Variants in SORCS2 observed in about 807,000 individuals in gnomAD.
The protein encoded by SORCS2 is sortilin related VPS10 domain containing receptor 2.
SORCS2 carries 100 observed loss-of-function variants against 141.6 expected under a neutral mutation model. That is an observed-to-expected ratio of 0.71 (90% CI 0.60 to 0.83). The LOEUF is 0.83. Among genes scored for constraint, SORCS2 ranks in the 40% least tolerant of loss-of-function variants. The probability of loss-of-function intolerance (pLI) is 0.00; values close to 1 mark genes in which losing one functional copy is unlikely to be tolerated. For synonymous variants in SORCS2, 789 were observed against 676.9 expected, an observed-to-expected ratio of 1.17 and a Z score of -2.57; for missense variants, 1,646 against 1,560.2, an observed-to-expected ratio of 1.05 and a Z score of -0.93.
At chr4:7,465,187 C>G (rs964642701) in intron 2 of SORCS2, among the ~76,000 whole-genome samples, 2 of 152,218 alleles carry the variant, frequency 1.3e-5, no homozygotes, top group African/African-American at 4.8e-5. Context: ...GACCAGGCAG[C>G]CCCGAGCAGG....
chr4:7,658,193 G>A (rs2108908604), intron 5 of SORCS2, among the ~76,000 whole-genome samples: 1 of 152,182 alleles, frequency 6.6e-6, no homozygotes, highest in African/African-American at 2.4e-5. Flanking sequence ...TTGACTGAGT[G>A]GTTAAATGAA....
intron 1 of SORCS2, among the ~76,000 whole-genome samples, chr4:7,243,319 G>C (rs570285179): frequency 6.6e-6 from 1 of 152,290 alleles, no homozygotes; most frequent in African/African-American, 2.4e-5. Context: ...CTCCCTGCTA[G>C]GCTAAGCTGA....
intron 3 of SORCS2, among the ~76,000 whole-genome samples, chr4:7,592,289 A>G (rs1271222342): frequency 6.6e-6 from 1 of 152,104 alleles, no homozygotes; most frequent in African/African-American, 2.4e-5. Context: ...GGATCTGGGC[A>G]CGCTGGTATT....
chr4:7,649,414 G>A (rs1259147378), intron 4 of SORCS2, among the ~76,000 whole-genome samples: 2 of 152,098 alleles, frequency 1.3e-5, no homozygotes, highest in East Asian at 3.9e-4. Context: ...ACCTCTCCTG[G>A]AAGGTCTGCG....
At chr4:7,712,068 T>C (rs928971182) in intron 14 of SORCS2, among the ~76,000 whole-genome samples, 4 of 152,166 alleles carry the variant, frequency 2.6e-5, no homozygotes, top group Non-Finnish European at 5.9e-5. Flanking sequence ...AACACAGGCC[T>C]GTACCATACA....
At chr4:7,288,138 T>A (rs1716351098) in intron 1 of SORCS2, among the ~76,000 whole-genome samples, 1 of 152,176 alleles carries the variant, frequency 6.6e-6, no homozygotes, top group African/African-American at 2.4e-5. Flanking sequence ...GCTCGGCTGC[T>A]TAATGAAGGA....
At chr4:7,521,615 A>G (rs752155812) in intron 2 of SORCS2, among the ~76,000 whole-genome samples, 2 of 152,194 alleles carry the variant, frequency 1.3e-5, no homozygotes, top group Non-Finnish European at 2.9e-5. Flanking sequence ...CTCACAGCAC[A>G]GACCTAGCCT....
intron 2 of SORCS2, among the ~76,000 whole-genome samples, chr4:7,455,034 AG>A (rs1728789545): frequency 8.8e-5 from 3 of 33,910 alleles, no homozygotes; most frequent in East Asian, 5.1e-3. Flanking sequence ...TGTTGGGGTC[AG>A]GTGCTGTGTG....
chr4:7,323,458 A>T (rs1719033821), intron 1 of SORCS2, among the ~76,000 whole-genome samples: 1 of 152,166 alleles, frequency 6.6e-6, no homozygotes, highest in Non-Finnish European at 1.5e-5. Context: ...ACCAAGAGGT[A>T]GACCTTGATC....
At chr4:7,235,917 G>A (rs756669075) in intron 1 of SORCS2, among the ~76,000 whole-genome samples, 6 of 152,210 alleles carry the variant, frequency 3.9e-5, no homozygotes, top group Admixed American at 6.5e-5. Context: ...GAAACTCTAG[G>A]TGCGAGTGTA....
At chr4:7,595,703 C>T (rs1717226770) in intron 3 of SORCS2, among the ~76,000 whole-genome samples, 1 of 152,134 alleles carries the variant, frequency 6.6e-6, no homozygotes, top group African/African-American at 2.4e-5. Flanking sequence ...GTGCACAGGG[C>T]CTGGCACTTA....
chr4:7,595,749 G>A (rs1717231458), intron 3 of SORCS2, among the ~76,000 whole-genome samples: 1 of 152,158 alleles, frequency 6.6e-6, no homozygotes, highest in Non-Finnish European at 1.5e-5. Context: ...CCCTGGTTCT[G>A]TGATTTCATC....
intron 1 of SORCS2, among the ~76,000 whole-genome samples, chr4:7,251,831 T>C (rs988125197): frequency 6.6e-6 from 1 of 152,040 alleles, no homozygotes; most frequent in African/African-American, 2.4e-5. Context: ...TACAGCTCCT[T>C]TGGAGTCCAG....
intron 3 of SORCS2, among the ~76,000 whole-genome samples, chr4:7,619,630 C>T (rs16840697): frequency 0.029 from 4,439 of 152,262 alleles, 190 homozygotes; most frequent in African/African-American, 0.099. Flanking sequence ...CCTTGGGTGC[C>T]AGTGTCCCGA....
chr4:7,591,842 C>T (rs981737406), intron 3 of SORCS2, among the ~76,000 whole-genome samples: 3 of 152,258 alleles, frequency 2.0e-5, no homozygotes, highest in Admixed American at 6.5e-5. Context: ...CCTTGAGTCC[C>T]GCTGCCTGCG....
chr4:7,236,643 A>G (rs1020123253), intron 1 of SORCS2, among the ~76,000 whole-genome samples: 6 of 152,274 alleles, frequency 3.9e-5, no homozygotes, highest in African/African-American at 1.4e-4. Flanking sequence ...GTGCAGTGGC[A>G]CAATCTCGGC....
chr4:7,459,761 C>T (rs1729171149), intron 2 of SORCS2, among the ~76,000 whole-genome samples: 1 of 152,218 alleles, frequency 6.6e-6, no homozygotes, highest in South Asian at 2.1e-4. Flanking sequence ...TCCCATCACC[C>T]TCTGGGATGT....
Position 7,193,079 on chromosome 4 carries a change from G to T in SORCS2, c.433G>T (p.Ala145Ser). The T allele has an allele frequency of 6.4e-7, 1 of 1,561,364 alleles. No homozygotes were observed. The highest frequency in any genetic ancestry group is 1.1e-5 in the South Asian group (1 of 87,508). Residue 145 changes from alanine (A) to serine (S), a missense_variant, in exon 1 of 27, where the codon GCG (alanine) becomes TCG (serine). Physicochemically the swap from Ala to Ser is moderately conservative, Grantham distance 99 (BLOSUM62 1). Transcript: ENST00000507866. This position sits in a 1 kb window ranked among gnomAD's most constrained non-coding sequence, Gnocchi z 4.8. The stretch of plus-strand genomic sequence containing the variant: ...CACGTCGTTCGTGCTCAAGGGGGAC[G>T]CGACGCACAACCAGGCGATGGTGCA... ...ISTSFVLKGD[A>S]THNQAMVHWT...
intron 1 of SORCS2, among the ~76,000 whole-genome samples, chr4:7,357,690 T>G (rs1721338207): frequency 6.6e-6 from 1 of 152,078 alleles, no homozygotes; most frequent in South Asian, 2.1e-4. Context: ...CCTTTCTTGG[T>G]TGAGAGGAGA....
Sources: gnomAD v4.1 joint callset for allele counts (sites outside exome capture counted in the v4.1 genomes callset) on GRCh38, gnomAD v4.1.1 for gene constraint, Gnocchi (gnomAD v3.1) non-coding constraint, MANE v1.5 for transcripts, NCBI Gene and HGNC (gene_info 2026-07-23, HGNC 2026-07-21) for gene names.